PBX3: variants seen among roughly 807,000 people sequenced by gnomAD.
PBX3 encodes PBX homeobox 3.
In PBX3, 14 loss-of-function variants were observed where a neutral mutation model predicts 48.5. The observed-to-expected ratio is 0.29, with a 90% confidence interval of 0.19 to 0.45. PBX3 has a LOEUF of 0.45. PBX3 is among the 20% of genes least tolerant of loss of function. The pLI is 1.00. For synonymous variants in PBX3, 210 were observed against 200.3 expected (o/e 1.05, Z -0.41); for missense variants, 386 against 546.7 (o/e 0.71, Z 2.93).
At chr9:125,945,258 A>G (rs1310700586) in intron 5 of PBX3, among the ~76,000 whole-genome samples, 2 of 151,826 alleles carry the variant, frequency 1.3e-5, no homozygotes, top group African/African-American at 4.8e-5. Flanking sequence ...TGTACTTCCT[A>G]GGGTTGTGGG....
At chr9:125,904,907 T>C (rs1588281588) in intron 2 of PBX3, among the ~76,000 whole-genome samples, 1 of 151,990 alleles carries the variant, frequency 6.6e-6, no homozygotes, top group Non-Finnish European at 1.5e-5. Flanking sequence ...TCAAAGGTCC[T>C]GGAGCTTATC....
At chr9:125,783,656 CT>C (rs1837382150) in intron 2 of PBX3, among the ~76,000 whole-genome samples, 1 of 152,136 alleles carries the variant, frequency 6.6e-6, no homozygotes, top group Non-Finnish European at 1.5e-5. Context: ...CTCCTGGTTT[CT>C]TTTAACTCCT....
rs531366752 is a variant in PBX3, at chr9:125,804,811, G to T, written c.274+56188G>T. On this transcript the variant is annotated intron_variant, in intron 2 of 8. Transcript: ENST00000373489. ...AAATGCAAAAAATTAGCTGGGCGGG[G>T]TGGCGGGTACCTGTAATCCCAGCTA... 1.9e-3 allele frequency among the ~76,000 whole-genome samples: 240 copies of T among 124,130 alleles called. 1 individual carries two copies. Among genetic ancestry groups the T allele is most frequent in the Admixed American group, 3.6e-3 (43 of 11,782 alleles). 81.4% of individuals were successfully genotyped at this position (124,130 alleles called of 152,430 possible).
intron 2 of PBX3, among the ~76,000 whole-genome samples, chr9:125,899,977 C>T (rs1840903001): frequency 1.3e-5 from 2 of 151,396 alleles, no homozygotes; most frequent in Non-Finnish European, 3.0e-5. Flanking sequence ...GGGAGATAAC[C>T]CAAGGCAAAT....
chr9:125,796,282 AGCCTTT>A (rs199590009), intron 2 of PBX3, among the ~76,000 whole-genome samples: 2,830 of 152,298 alleles, frequency 0.019, 103 homozygotes, highest in African/African-American at 0.065. Flanking sequence ...AATATGCTTT[AGCCTTT>A]GCTTTTACAG....
chr9:125,933,705 C>G (rs1470255238), intron 4 of PBX3, among the ~76,000 whole-genome samples: 1 of 152,130 alleles, frequency 6.6e-6, no homozygotes, highest in Admixed American at 6.5e-5. Context: ...CAGCTTTAAC[C>G]TAGAGCTGCC....
chr9:125,861,256 G>A (rs753221565), intron 2 of PBX3, among the ~76,000 whole-genome samples: 1 of 152,028 alleles, frequency 6.6e-6, no homozygotes, highest in Non-Finnish European at 1.5e-5. Context: ...CCGTGATTGA[G>A]CCACTGTACT....
intron 2 of PBX3, among the ~76,000 whole-genome samples, chr9:125,861,262 G>A (rs1039625274): frequency 1.3e-5 from 2 of 152,032 alleles, no homozygotes; most frequent in African/African-American, 4.8e-5. Context: ...TTGAGCCACT[G>A]TACTCCAGCC....
At chr9:125,838,260 C>T (rs1282882383) in intron 2 of PBX3, among the ~76,000 whole-genome samples, 3 of 152,092 alleles carry the variant, frequency 2.0e-5, no homozygotes, top group East Asian at 1.9e-4. Context: ...CTGTGTTGGC[C>T]GGGGCCTAAT....
chr9:125,774,622 A>G (rs1837023179), intron 2 of PBX3, among the ~76,000 whole-genome samples: 1 of 150,856 alleles, frequency 6.6e-6, no homozygotes, highest in Non-Finnish European at 1.5e-5. Context: ...TGGATATACT[A>G]CAATTTGTTT....
intron 5 of PBX3, among the ~76,000 whole-genome samples, chr9:125,955,922 A>T (rs1373032505): frequency 1.3e-5 from 2 of 152,234 alleles, no homozygotes; most frequent in Non-Finnish European, 2.9e-5. Context: ...AGTATTGACT[A>T]TAGCAGATGC....
At chr9:125,933,042 G>C (rs1363862201) in intron 4 of PBX3, among the ~76,000 whole-genome samples, 1 of 152,178 alleles carries the variant, frequency 6.6e-6, no homozygotes, top group East Asian at 1.9e-4. Context: ...TGCTTAATGG[G>C]CATTTTCTAC....
intron 2 of PBX3, among the ~76,000 whole-genome samples, chr9:125,792,421 C>T (rs1263662358): frequency 6.6e-6 from 1 of 151,998 alleles, no homozygotes; most frequent in Non-Finnish European, 1.5e-5. Context: ...AGAAGGTAGG[C>T]TCTGTAGAGC....
At chr9:125,940,165 C>G (rs1249192065) in intron 5 of PBX3, among the ~76,000 whole-genome samples, 4 of 147,878 alleles carry the variant, frequency 2.7e-5, no homozygotes, top group East Asian at 2.0e-4. Flanking sequence ...GCCTGGGCAA[C>G]AAGAGCAAAA....
At chr9:125,811,512 G>C (rs916426399) in intron 2 of PBX3, among the ~76,000 whole-genome samples, 35 of 152,182 alleles carry the variant, frequency 2.3e-4, no homozygotes, top group South Asian at 6.2e-4. Context: ...CCTTTGCTTG[G>C]CTGTCATTCT....
chr9:125,877,455 A>G (rs1394968533), intron 2 of PBX3, among the ~76,000 whole-genome samples: 1 of 152,226 alleles, frequency 6.6e-6, no homozygotes, highest in Admixed American at 6.5e-5. Flanking sequence ...AGATGGCATT[A>G]GCTCTTTGTT....
chr9:125,848,684 A>G (rs1412745265), intron 2 of PBX3, among the ~76,000 whole-genome samples: 1 of 152,024 alleles, frequency 6.6e-6, no homozygotes, highest in African/African-American at 2.4e-5. Flanking sequence ...ATTCGTTCAA[A>G]AAGGTTTACT....
chr9:125,756,661 T>C (rs1356015785), intron 2 of PBX3, among the ~76,000 whole-genome samples: 1 of 152,194 alleles, frequency 6.6e-6, no homozygotes, highest in Non-Finnish European at 1.5e-5. Flanking sequence ...TCACCACAGC[T>C]GCCATGCATG....
At chr9:125,942,113 C>G (rs1482545103) in intron 5 of PBX3, among the ~76,000 whole-genome samples, 1 of 152,212 alleles carries the variant, frequency 6.6e-6, no homozygotes, top group African/African-American at 2.4e-5. Context: ...ACATCACAAT[C>G]TAACCCATAC....
Sources: gnomAD v4.1 joint callset for allele counts (sites outside exome capture counted in the v4.1 genomes callset) on GRCh38, gnomAD v4.1.1 for gene constraint, MANE v1.5 for transcripts, NCBI Gene and HGNC (gene_info 2026-07-23, HGNC 2026-07-21) for gene names.